Variants in CTNND2 observed in about 807,000 individuals in gnomAD.
CTNND2 encodes catenin delta-2.
CTNND2 carries 22 observed loss-of-function variants against 144.4 expected under a neutral mutation model. That is an observed-to-expected ratio of 0.15 (90% CI 0.11 to 0.22). The LOEUF is 0.22. Among genes scored for constraint, CTNND2 ranks in the 10% least tolerant of loss-of-function variants. CTNND2 has a pLI of 1.00. For synonymous variants in CTNND2, 751 were observed against 695.6 expected (o/e 1.08, Z -1.25); for missense variants, 1,353 against 1,618.8 (o/e 0.84, Z 2.82).
chr5:11,150,353 G>T (rs986929055), intron 12 of CTNND2, among the ~76,000 whole-genome samples: 1 of 152,172 alleles, frequency 6.6e-6, no homozygotes, highest in Non-Finnish European at 1.5e-5. Flanking sequence ...GGACAAAGTC[G>T]TTATCCTAGG....
intron 9 of CTNND2, among the ~76,000 whole-genome samples, chr5:11,277,940 G>A (rs1305257358): frequency 1.3e-5 from 2 of 152,106 alleles, no homozygotes; most frequent in Non-Finnish European, 2.9e-5. Context: ...CAGAAAGCCA[G>A]CATATCTACA....
chr5:11,004,888 A>G (rs1002273000), intron 18 of CTNND2, among the ~76,000 whole-genome samples: 4 of 152,150 alleles, frequency 2.6e-5, no homozygotes, highest in African/African-American at 9.7e-5. Flanking sequence ...CTTTTATTCA[A>G]TAAAAATTAG....
At chr5:11,072,950 G>C (rs1004066076) in intron 16 of CTNND2, among the ~76,000 whole-genome samples, 1 of 152,174 alleles carries the variant, frequency 6.6e-6, no homozygotes, top group Non-Finnish European at 1.5e-5. Context: ...AGCACCACTG[G>C]CCCATCTGAT....
intron 8 of CTNND2, among the ~76,000 whole-genome samples, chr5:11,350,053 C>T (rs1333808967): frequency 1.3e-5 from 2 of 152,140 alleles, no homozygotes; most frequent in African/African-American, 2.4e-5. Flanking sequence ...AGGAGAATTG[C>T]TTGAACCCGG....
At chr5:11,502,090 C>G (rs1324385080) in intron 3 of CTNND2, among the ~76,000 whole-genome samples, 2 of 147,432 alleles carry the variant, frequency 1.4e-5, no homozygotes, top group African/African-American at 2.5e-5. Context: ...TGTGAGGACA[C>G]AACAAGAAGG....
At chr5:11,245,157 C>T (rs1742865292) in intron 9 of CTNND2, among the ~76,000 whole-genome samples, 1 of 152,152 alleles carries the variant, frequency 6.6e-6, no homozygotes, top group South Asian at 2.1e-4. Context: ...TATTCTTGTT[C>T]GTTCAGTGAA....
chr5:11,849,103 C>T (rs372166144), intron 1 of CTNND2, among the ~76,000 whole-genome samples: 3 of 152,230 alleles, frequency 2.0e-5, no homozygotes, highest in African/African-American at 7.2e-5. Context: ...GTTTAATGGA[C>T]TCACAGTTCC....
chr5:11,897,782 A>G (rs936473693), intron 1 of CTNND2, among the ~76,000 whole-genome samples: 8 of 152,248 alleles, frequency 5.3e-5, no homozygotes, highest in African/African-American at 1.9e-4. Flanking sequence ...GAGCTCAACT[A>G]CCAAGCAAAG....
chr5:11,262,011 A>C (rs1434436795), intron 9 of CTNND2, among the ~76,000 whole-genome samples: 2 of 152,202 alleles, frequency 1.3e-5, no homozygotes, highest in Non-Finnish European at 2.9e-5. Flanking sequence ...TATTTATTTC[A>C]TAATTTATCT....
chr5:11,062,953 C>T (rs1315965652), intron 16 of CTNND2, among the ~76,000 whole-genome samples: 1 of 152,172 alleles, frequency 6.6e-6, no homozygotes, highest in Non-Finnish European at 1.5e-5. Context: ...GAGGAACAAC[C>T]ATGATGATGG....
intron 11 of CTNND2, among the ~76,000 whole-genome samples, chr5:11,162,176 C>A (rs79337236): frequency 6.6e-6 from 1 of 152,122 alleles, no homozygotes; most frequent in Admixed American, 6.5e-5. Flanking sequence ...AGCAAACAAA[C>A]AAACAAAATA....
At chr5:11,158,834 T>C (rs1456980021) in intron 12 of CTNND2, among the ~76,000 whole-genome samples, 1 of 152,190 alleles carries the variant, frequency 6.6e-6, no homozygotes, top group East Asian at 1.9e-4. Context: ...TCCCAGCAAT[T>C]TCATCCAGCA....
At chr5:11,800,630 C>G (rs1262465508) in intron 1 of CTNND2, among the ~76,000 whole-genome samples, 1 of 152,060 alleles carries the variant, frequency 6.6e-6, no homozygotes, top group Admixed American at 6.6e-5. Flanking sequence ...AGAGAAACTT[C>G]TAAAAAAATT....
At chr5:11,395,738 G>A (rs1760046288) in intron 6 of CTNND2, among the ~76,000 whole-genome samples, 1 of 152,242 alleles carries the variant, frequency 6.6e-6, no homozygotes. Context: ...GTTGCTTGAA[G>A]AAGGTAATGA....
intron 1 of CTNND2, among the ~76,000 whole-genome samples, chr5:11,843,966 T>G (rs949182870): frequency 6.6e-6 from 1 of 152,342 alleles, no homozygotes; most frequent in South Asian, 2.1e-4. Context: ...CCAAAGTGTT[T>G]CAAACACTGC....
intron 1 of CTNND2, among the ~76,000 whole-genome samples, chr5:11,845,739 T>C (rs1794703495): frequency 1.3e-5 from 2 of 152,238 alleles, no homozygotes; most frequent in South Asian, 4.1e-4. Context: ...CAAGACGATC[T>C]ATGGCTTGAA....
intron 2 of CTNND2, among the ~76,000 whole-genome samples, chr5:11,587,474 A>G (rs1778950055): frequency 6.6e-6 from 1 of 152,032 alleles, no homozygotes; most frequent in African/African-American, 2.4e-5. Context: ...TTTCTTTAAA[A>G]TAAAAATATC....
intron 3 of CTNND2, among the ~76,000 whole-genome samples, chr5:11,480,642 A>ATGTGTGTGTG (rs1491158593): frequency 1.5e-4 from 12 of 80,464 alleles, no homozygotes; most frequent in African/African-American, 2.6e-4. Context: ...TTGAAAATAC[A>ATGTGTGTGTG]TATATGTGTG....
chr5:11,881,606 A>G (rs1314933211), intron 1 of CTNND2, among the ~76,000 whole-genome samples: 2 of 151,986 alleles, frequency 1.3e-5, no homozygotes, highest in Non-Finnish European at 2.9e-5. Context: ...TGCAAAACAC[A>G]AGATTTCATT....
Sources: allele counts gnomAD v4.1 joint callset (sites outside exome capture counted in the v4.1 genomes callset), GRCh38; gene constraint gnomAD v4.1.1; transcripts MANE v1.5; gene names NCBI Gene and HGNC (gene_info 2026-07-23, HGNC 2026-07-21).